The following OTUD7A variants were observed in gnomAD, a reference collection of about 807,000 sequenced individuals.
OTUD7A encodes OTU domain-containing protein 7A.
Under a neutral mutation model 65.7 loss-of-function variants are expected in OTUD7A, and 12 were observed. The observed-to-expected ratio is 0.18, with a 90% confidence interval of 0.12 to 0.30. OTUD7A has a LOEUF of 0.30. Among genes scored for constraint, OTUD7A ranks in the 10% least tolerant of loss-of-function variants. The pLI, the probability that OTUD7A is intolerant of heterozygous loss-of-function variation, is 1.00. For synonymous variants in OTUD7A, 641 were observed against 586.3 expected (o/e 1.09, Z -1.35); for missense variants, 1,148 against 1,304.8 (o/e 0.88, Z 1.85).
intron 3 of OTUD7A, among the ~76,000 whole-genome samples, chr15:31,630,394 G>A (rs1378047682): frequency 1.3e-5 from 2 of 152,140 alleles, no homozygotes; most frequent in Non-Finnish European, 2.9e-5. Flanking sequence ...CCATGTAGTT[G>A]AGTGGTTTTC....
intron 1 of OTUD7A, among the ~76,000 whole-genome samples, chr15:31,752,614 C>A (rs553173639): frequency 1.3e-5 from 2 of 152,210 alleles, no homozygotes; most frequent in African/African-American, 4.8e-5. Context: ...GAAACTTTTT[C>A]AAATGTTGAC....
chr15:31,812,687 G>A (rs1044736694), intron 1 of OTUD7A, among the ~76,000 whole-genome samples: 3 of 152,110 alleles, frequency 2.0e-5, no homozygotes, highest in Non-Finnish European at 2.9e-5. Flanking sequence ...ACCATAAAGT[G>A]TCCCTATCCC....
intron 3 of OTUD7A, among the ~76,000 whole-genome samples, chr15:31,601,176 C>A (rs11852761): frequency 2.0e-5 from 3 of 152,170 alleles, no homozygotes; most frequent in Non-Finnish European, 2.9e-5. Flanking sequence ...GGCACCACAT[C>A]GCACTTTTTC....
chr15:31,507,717 A>T (rs1250206426), intron 8 of OTUD7A, among the ~76,000 whole-genome samples: 2 of 151,830 alleles, frequency 1.3e-5, no homozygotes, highest in Admixed American at 6.6e-5. Flanking sequence ...TCCTTTTTTC[A>T]ATCTTCCCTG....
intron 1 of OTUD7A, among the ~76,000 whole-genome samples, chr15:31,735,257 C>T (rs1238616282): frequency 6.6e-6 from 1 of 152,070 alleles, no homozygotes; most frequent in African/African-American, 2.4e-5. Flanking sequence ...GGCATGGTGG[C>T]TCATGCCTGT....
rs1382335525 is a variant in OTUD7A at position 31,475,906 on chromosome 15, G to A, written c.*7388C>T. On this transcript the variant is annotated 3_prime_UTR_variant, in exon 13 of 13. Coordinates refer to ENST00000307050, the MANE Select transcript of OTUD7A (RefSeq NM_001382637.1). Reference sequence around the variant, plus strand: ...CAAAGAAACCAAAAAAGAAAAAAGAGGAACATTCACTGACTTCATTAGGCC... The same window carrying A: ...CAAAGAAACCAAAAAAGAAAAAAGAAGAACATTCACTGACTTCATTAGGCC... 3 of 152,184 alleles carry A rather than the reference G, an allele frequency of 2.0e-5. No homozygotes were observed. The highest frequency in any genetic ancestry group is 2.0e-4 in the Admixed American group (3 of 15,270). 9.4% of individuals were successfully genotyped at this position (152,184 alleles called of 1,614,324 possible).
chr15:31,842,078 TAC>T (rs1309062521), intron 1 of OTUD7A, among the ~76,000 whole-genome samples: 2 of 152,218 alleles, frequency 1.3e-5, no homozygotes, highest in Non-Finnish European at 2.9e-5. Context: ...GAGCTACAAC[TAC>T]ACACAAGGCC....
intron 1 of OTUD7A, among the ~76,000 whole-genome samples, chr15:31,756,627 AACACACACACACACACACACACACACAC>A (rs56792926): frequency 2.2e-4 from 30 of 138,474 alleles, no homozygotes; most frequent in East Asian, 1.8e-3. Context: ...CAGTGTACCC[AACACACACACACACACACACACACACAC>A]ACACACACAC....
intron 1 of OTUD7A, among the ~76,000 whole-genome samples, chr15:31,662,171 G>C (rs1473197888): frequency 1.3e-5 from 2 of 152,180 alleles, no homozygotes; most frequent in Non-Finnish European, 2.9e-5. Flanking sequence ...CAATTCAAGA[G>C]GGGTTGCGTA....
intron 1 of OTUD7A, among the ~76,000 whole-genome samples, chr15:31,866,614 A>G (rs1360681713): frequency 6.6e-6 from 1 of 152,182 alleles, no homozygotes; most frequent in Non-Finnish European, 1.5e-5. Context: ...ACCAATAGGC[A>G]AATAAAATTC....
chr15:31,795,347 C>T (rs977519465), intron 1 of OTUD7A, among the ~76,000 whole-genome samples: 3 of 152,208 alleles, frequency 2.0e-5, no homozygotes, highest in African/African-American at 7.2e-5. Flanking sequence ...AGTGGCTGCA[C>T]TTTCATTCTG....
chr15:31,602,207 A>C (rs1890098433), intron 3 of OTUD7A, among the ~76,000 whole-genome samples: 1 of 152,238 alleles, frequency 6.6e-6, no homozygotes, highest in Non-Finnish European at 1.5e-5. Context: ...AATCCTCAAT[A>C]AAATACTGGC....
At chr15:31,562,422 G>A (rs184322312) in intron 4 of OTUD7A, among the ~76,000 whole-genome samples, 31 of 152,276 alleles carry the variant, frequency 2.0e-4, no homozygotes, top group Admixed American at 3.9e-4. Flanking sequence ...GCTGGCTGCC[G>A]TTATGCACAC....
intron 3 of OTUD7A, among the ~76,000 whole-genome samples, chr15:31,589,403 A>G (rs1889648983): frequency 6.7e-6 from 1 of 150,038 alleles, no homozygotes; most frequent in African/African-American, 2.5e-5. Flanking sequence ...AGGTTCAAGC[A>G]ATCCTCCCAC....
intron 1 of OTUD7A, among the ~76,000 whole-genome samples, chr15:31,869,905 T>C (rs972687661): frequency 1.8e-4 from 27 of 152,122 alleles, no homozygotes; most frequent in Non-Finnish European, 5.9e-5. Flanking sequence ...GAGGAGATAC[T>C]AGGGAAGGCC....
intron 1 of OTUD7A, among the ~76,000 whole-genome samples, chr15:31,788,053 C>A (rs953766050): frequency 1.3e-5 from 2 of 152,222 alleles, no homozygotes; most frequent in East Asian, 3.8e-4. Context: ...CCCCACATGG[C>A]ACTCAATAAT....
chr15:31,648,817 A>C (rs1891752845), intron 3 of OTUD7A, among the ~76,000 whole-genome samples: 1 of 152,012 alleles, frequency 6.6e-6, no homozygotes, highest in African/African-American at 2.4e-5. Context: ...CTGGAGTGTA[A>C]TGGTGCGATC....
intron 1 of OTUD7A, among the ~76,000 whole-genome samples, chr15:31,815,199 C>T (rs1188074775): frequency 2.0e-5 from 3 of 152,206 alleles, no homozygotes; most frequent in East Asian, 3.8e-4. Flanking sequence ...CCCCTCCAAA[C>T]ACCCCCTGCC....
At chr15:31,613,936 T>G (rs144894162) in intron 3 of OTUD7A, among the ~76,000 whole-genome samples, 1 of 152,142 alleles carries the variant, frequency 6.6e-6, no homozygotes, top group African/African-American at 2.4e-5. Context: ...GTGGTGTATA[T>G]ATATATGTAT....
Sources: allele counts gnomAD v4.1 joint callset (sites outside exome capture counted in the v4.1 genomes callset), GRCh38; gene constraint gnomAD v4.1.1; transcripts MANE v1.5; gene names NCBI Gene and HGNC (gene_info 2026-07-23, HGNC 2026-07-21).